COX5A: variants seen among roughly 807,000 people sequenced by gnomAD.
COX5A encodes cytochrome c oxidase subunit 5A.
A neutral mutation model predicts 16.1 loss-of-function variants in COX5A; 6 were observed. That is an observed-to-expected ratio of 0.37 (90% CI 0.20 to 0.73). The LOEUF is 0.73. Ranked by LOEUF, COX5A falls within the 30% of genes least tolerant of loss-of-function variation. COX5A has a pLI of 0.50. For synonymous variants in COX5A, 73 were observed against 73.8 expected, an observed-to-expected ratio of 0.99 and a Z score of 0.06; for missense variants, 159 against 194.9, an observed-to-expected ratio of 0.82 and a Z score of 1.10.
At chr15:74,921,236 G>A (rs201702831) in intron 4 of COX5A, among the ~76,000 whole-genome samples, 8 of 150,872 alleles carry the variant, frequency 5.3e-5, no homozygotes, top group African/African-American at 1.5e-4. Context: ...GTGAAACCCC[G>A]TCTCTACTAA....
chr15:74,933,687 C>T (rs968102502), intron 1 of COX5A, among the ~76,000 whole-genome samples: 1 of 152,168 alleles, frequency 6.6e-6, no homozygotes, highest in African/African-American at 2.4e-5. Flanking sequence ...AGTTTCTTAT[C>T]AAGTTAAACA....
intron 3 of COX5A, among the ~76,000 whole-genome samples, chr15:74,924,732 C>T (rs1278537479): frequency 6.6e-6 from 1 of 152,120 alleles, no homozygotes; most frequent in Non-Finnish European, 1.5e-5. Context: ...ATTAAGTTAA[C>T]GGGAAAAGTT....
At chr15:74,921,109 T>C (rs2065317707) in intron 4 of COX5A, among the ~76,000 whole-genome samples, 2 of 152,184 alleles carry the variant, frequency 1.3e-5, no homozygotes, top group South Asian at 4.1e-4. Flanking sequence ...GAGTTCATTA[T>C]AGAATATGAA....
At chr15:74,925,807 G>A (rs1033451390) in intron 3 of COX5A, among the ~76,000 whole-genome samples, 8 of 152,002 alleles carry the variant, frequency 5.3e-5, no homozygotes, top group African/African-American at 1.9e-4. Context: ...ATAGCAAGAA[G>A]ATGAATACAC....
chr15:74,926,963 G>C, intron 2 of COX5A, 76 bp from the exon 3 acceptor site: 1 of 1,482,972 alleles, frequency 6.7e-7, no homozygotes, highest in Non-Finnish European at 9.2e-7. Context: ...TATTTTTACT[G>C]AATCACTGAT....
At position 74,920,205 on chromosome 15, in the gene COX5A, CA is replaced by C; in HGVS notation, c.*246del. 1 of 545,664 alleles carries C rather than the reference CA, an allele frequency of 1.8e-6. No individual in the cohort carries two copies. Among genetic ancestry groups the C allele is most frequent in the African/African-American group, 2.0e-5 (1 of 50,508 alleles). The allele number at this position is 545,664 out of a possible 1,614,324, so 33.8% of individuals were successfully genotyped here. On this transcript the variant is annotated 3_prime_UTR_variant, in exon 5 of 5. Transcript: ENST00000322347. ...GTTCTCTCAGCATGTAAGAGGGCAG[CA>C]AAACCATGAAACCAATACAGCACTT...
intron 3 of COX5A, among the ~76,000 whole-genome samples, chr15:74,925,719 C>G (rs1453010982): frequency 6.6e-6 from 1 of 152,016 alleles, no homozygotes. Context: ...AAACACATTT[C>G]TACAGTATCA....
chr15:74,931,330 G>A (rs1441027010), intron 1 of COX5A, among the ~76,000 whole-genome samples: 7 of 151,846 alleles, frequency 4.6e-5, no homozygotes, highest in East Asian at 2.0e-4. Context: ...GTGAAACTCC[G>A]TCTCTACTAA....
At chr15:74,923,182 T>C (rs1245719169) in intron 4 of COX5A, among the ~76,000 whole-genome samples, 2 of 151,948 alleles carry the variant, frequency 1.3e-5, no homozygotes, top group African/African-American at 4.8e-5. Context: ...TCCCAGCACT[T>C]TGGGAGGCCA....
chr15:74,922,934 C>T (rs571694959), intron 4 of COX5A, among the ~76,000 whole-genome samples: 2 of 152,096 alleles, frequency 1.3e-5, no homozygotes, highest in African/African-American at 2.4e-5. Flanking sequence ...GGATTACAGG[C>T]GTGAGCCACT....
At position 74,929,054 on chromosome 15, in the gene COX5A, A is replaced by AGGAGCAGAAGCAGTTC; in HGVS notation, c.217+46_217+61dup. 2.6e-6 allele frequency: 3 copies of AGGAGCAGAAGCAGTTC among 1,149,080 alleles called. No individual in the cohort carries two copies. The South Asian group carries it at 3.7e-5, about 14-fold the overall frequency. 71.2% of individuals were successfully genotyped at this position (1,149,080 alleles called of 1,614,324 possible). On this transcript the variant is annotated intron_variant, in intron 2 of 4. Transcript: ENST00000322347. ...TTTTCGAAACAGTTGCTCTCAATAA[A>AGGAGCAGAAGCAGTTC]GGAGCAGAAGCAGTTCATATTTACA...
intron 3 of COX5A, among the ~76,000 whole-genome samples, chr15:74,925,780 AACATTTCGTATG>A (rs2065340467): frequency 6.6e-6 from 1 of 152,172 alleles, no homozygotes; most frequent in African/African-American, 2.4e-5. Flanking sequence ...AAGAATTCCT[AACATTTCGTATG>A]ACAAATAGCA....
At chr15:74,932,315 A>G (rs1371249468) in intron 1 of COX5A, among the ~76,000 whole-genome samples, 5 of 151,986 alleles carry the variant, frequency 3.3e-5, no homozygotes, top group Non-Finnish European at 7.3e-5. Flanking sequence ...AAGGCTTAAC[A>G]TATTTTTATT....
intron 1 of COX5A, among the ~76,000 whole-genome samples, chr15:74,931,909 T>C (rs2065369230): frequency 6.6e-6 from 1 of 152,180 alleles, no homozygotes; most frequent in Non-Finnish European, 1.5e-5. Context: ...GAAATCTGAA[T>C]TCCTTCTGAA....
intron 1 of COX5A, among the ~76,000 whole-genome samples, chr15:74,934,244 A>G (rs530635161): frequency 2.0e-5 from 3 of 152,314 alleles, no homozygotes; most frequent in East Asian, 1.9e-4. Context: ...GCAACACTCT[A>G]TATCAAACAA....
At chr15:74,927,786 C>T (rs1276452726) in intron 2 of COX5A, among the ~76,000 whole-genome samples, 1 of 151,788 alleles carries the variant, frequency 6.6e-6, no homozygotes, top group Non-Finnish European at 1.5e-5. Flanking sequence ...CAAAACAAAA[C>T]AAACAAACAA....
chr15:74,930,735 G>A (rs965716344), intron 1 of COX5A, among the ~76,000 whole-genome samples: 2 of 147,090 alleles, frequency 1.4e-5, no homozygotes, highest in Non-Finnish European at 3.0e-5. Flanking sequence ...AAAAAATCTC[G>A]GGCCGGGCTT....
At chr15:74,937,270 T>C (rs1262443107) in intron 1 of COX5A, among the ~76,000 whole-genome samples, 2 of 152,158 alleles carry the variant, frequency 1.3e-5, no homozygotes, top group Non-Finnish European at 2.9e-5. Flanking sequence ...TCTGTGACAT[T>C]CAGTTTTCAA....
intron 4 of COX5A, among the ~76,000 whole-genome samples, chr15:74,921,443 C>T (rs963363393): frequency 2.4e-4 from 34 of 144,398 alleles, no homozygotes; most frequent in Non-Finnish European, 4.2e-4. Flanking sequence ...GAATATCAAT[C>T]ACAGGGCCAG....
Sources: allele counts gnomAD v4.1 joint callset (sites outside exome capture counted in the v4.1 genomes callset), GRCh38; gene constraint gnomAD v4.1.1; transcripts MANE v1.5; gene names NCBI Gene and HGNC (gene_info 2026-07-23, HGNC 2026-07-21).